The following PITPNB variants were observed in gnomAD, a reference collection of about 807,000 sequenced individuals.
PITPNB encodes phosphatidylinositol transfer protein beta isoform.
In PITPNB, 16 loss-of-function variants were observed where a neutral mutation model predicts 45.9. The observed-to-expected ratio is 0.35, with a 90% CI of 0.24 to 0.53. The LOEUF is 0.53. Among genes scored for constraint, PITPNB ranks in the 20% least tolerant of loss-of-function variants. The pLI, the probability that PITPNB is intolerant of heterozygous loss-of-function variation, is 0.93. For synonymous variants in PITPNB, 112 were observed against 108.9 expected, an observed-to-expected ratio of 1.03 and a Z score of -0.18; for missense variants, 188 against 330.5, an observed-to-expected ratio of 0.57 and a Z score of 3.34.
intron 6 of PITPNB, 94 bp downstream of exon 6, chr22:27,896,458 C>T: frequency 1.2e-6 from 1 of 849,732 alleles, no homozygotes; most frequent in Admixed American, 1.9e-5. Flanking sequence ...GTCAGATACA[C>T]AGGTGACATT....
chr22:27,858,234 A>G lies in PITPNB; in HGVS notation c.768+153T>C, dbSNP rs16985642. 9.0e-3 allele frequency among the ~76,000 whole-genome samples: 1,368 copies of G among 152,360 alleles called. 26 individuals carry two copies. Among genetic ancestry groups the G allele is most frequent in the African/African-American group, 0.031 (1,304 of 41,582 alleles). ...AGATCAGAATATGTGAAGGAATAGC[A>G]GTGTCTAAGAAACTCCATTTTGATG... is the stretch of plus-strand genomic sequence containing the variant. On this transcript the variant is annotated intron_variant, in intron 10 of 11. Coordinates refer to ENST00000335272, the MANE Select transcript of PITPNB (RefSeq NM_012399.5).
chr22:27,875,649 C>T (rs974043226), intron 7 of PITPNB, among the ~76,000 whole-genome samples: 39 of 152,124 alleles, frequency 2.6e-4, no homozygotes, highest in African/African-American at 8.9e-4. Context: ...CTTTTTCAAA[C>T]ATTGAAAGTA....
intron 8 of PITPNB, among the ~76,000 whole-genome samples, 165 bp downstream of exon 8, chr22:27,873,573 G>C (rs1402875485): frequency 6.6e-6 from 1 of 152,226 alleles, no homozygotes; most frequent in Non-Finnish European, 1.5e-5. Context: ...ATGCAGCACA[G>C]ATTTGCTGGC....
chr22:27,882,043 T>C (rs1934989542), intron 7 of PITPNB, among the ~76,000 whole-genome samples: 2 of 152,308 alleles, frequency 1.3e-5, no homozygotes, highest in East Asian at 3.9e-4. Context: ...GTATGTAACA[T>C]CTGGGCATTG....
At chr22:27,855,952 G>GTA (rs1372058475) in intron 10 of PITPNB, among the ~76,000 whole-genome samples, 2 of 152,176 alleles carry the variant, frequency 1.3e-5, no homozygotes, top group Non-Finnish European at 2.9e-5. Context: ...TGCTTTCTGG[G>GTA]TAGGCATTCT....
intron 1 of PITPNB, among the ~76,000 whole-genome samples, chr22:27,915,062 T>C (rs1936037764): frequency 1.3e-5 from 2 of 152,334 alleles, no homozygotes; most frequent in East Asian, 1.9e-4. Context: ...TCATGGTATA[T>C]TGTTTTATCA....
At chr22:27,907,710 G>C (rs536903160) in intron 3 of PITPNB, among the ~76,000 whole-genome samples, 1 of 152,040 alleles carries the variant, frequency 6.6e-6, no homozygotes, top group Non-Finnish European at 1.5e-5. Context: ...CTTCTCATGG[G>C]AGTGCCTTGT....
chr22:27,898,813 T>G (rs2267127), intron 3 of PITPNB, among the ~76,000 whole-genome samples: 1 of 152,100 alleles, frequency 6.6e-6, no homozygotes, highest in Non-Finnish European at 1.5e-5. Context: ...TGCAAGCATA[T>G]GATAATCAGA....
rs926466 is a variant in PITPNB at position 27,873,942 on chromosome 22, G to A, written c.457-127C>T. The A allele has an allele frequency of 4.1e-5, 26 of 630,726 alleles. 1 individual carries two copies. Among genetic ancestry groups the A allele is most frequent in the South Asian group, 1.8e-4 (10 of 54,760 alleles). 39.1% of individuals were successfully genotyped at this position (630,726 alleles called of 1,614,324 possible). On this transcript the variant is annotated intron_variant, in intron 7 of 11. Coordinates refer to ENST00000335272, the MANE Select transcript of PITPNB (RefSeq NM_012399.5). ...TCAATTAGACTCACTGTGCTTTTGC[G>A]TAAAAGTAGAAAAATGCTTCTTTAA...
chr22:27,853,496 G>A lies in PITPNB; in HGVS notation c.*206C>T. On this transcript the variant is annotated 3_prime_UTR_variant, in exon 12 of 12. Coordinates refer to ENST00000335272, the MANE Select transcript of PITPNB (RefSeq NM_012399.5). Reference sequence around the variant, plus strand: ...TACATGCGCTTTATATACAGCTACAGACATATGCACACATACATATATACA... The same window carrying A: ...TACATGCGCTTTATATACAGCTACAAACATATGCACACATACATATATACA... 1.3e-6 allele frequency: 1 copy of A among 763,720 alleles called. No homozygotes were observed. Among genetic ancestry groups the A allele is most frequent in the South Asian group, 1.5e-5 (1 of 65,656 alleles). The allele number at this position is 763,720 out of a possible 1,614,324, so 47.3% of individuals were successfully genotyped here.
At chr22:27,865,096 T>G (rs1181702599) in intron 8 of PITPNB, among the ~76,000 whole-genome samples, 2 of 152,182 alleles carry the variant, frequency 1.3e-5, no homozygotes, top group Admixed American at 1.3e-4. Flanking sequence ...CAAATAATAG[T>G]AATTAAATGA....
chr22:27,876,338 ATG>A (rs1934818598), intron 7 of PITPNB, among the ~76,000 whole-genome samples: 4 of 152,260 alleles, frequency 2.6e-5, no homozygotes, highest in Non-Finnish European at 5.9e-5. Context: ...ATACATATGT[ATG>A]TATGAAATGA....
intron 9 of PITPNB, among the ~76,000 whole-genome samples, chr22:27,859,518 G>C (rs533841313): frequency 6.6e-6 from 1 of 152,212 alleles, no homozygotes; most frequent in South Asian, 2.1e-4. Context: ...AGTAACAACC[G>C]TGTGCATTTA....
At position 27,853,147 on chromosome 22, in the gene PITPNB, TGG is replaced by T. The variant is rs1454573296; in HGVS notation, c.*553_*554del. 2 of 153,188 alleles carry T rather than the reference TGG, an allele frequency of 1.3e-5. No individual in the cohort carries two copies. The highest frequency in any genetic ancestry group is 2.9e-5 in the Non-Finnish European group (2 of 68,532). The allele number at this position is 153,188 out of a possible 1,614,324, so 9.5% of individuals were successfully genotyped here. A position where few individuals can be genotyped will look rare whatever the true frequency, so the allele number is the denominator to read the frequency against. On this transcript the variant is annotated 3_prime_UTR_variant, in exon 12 of 12. Transcript: ENST00000335272. ...CAAAAAATTTTGAAGAAATTTTCTG[TGG>T]GAGTCTACTGCTTATGGGACTAAAA... is the stretch of plus-strand genomic sequence containing the variant.
intron 1 of PITPNB, among the ~76,000 whole-genome samples, chr22:27,916,232 G>A (rs995484831): frequency 6.6e-6 from 1 of 152,198 alleles, no homozygotes; most frequent in Admixed American, 6.5e-5. Context: ...AGAACAATGA[G>A]TCAAGTAACT....
intron 1 of PITPNB, among the ~76,000 whole-genome samples, chr22:27,916,027 A>G (rs138700994): frequency 1.2e-4 from 18 of 152,318 alleles, no homozygotes; most frequent in Admixed American, 1.1e-3. Flanking sequence ...AAAGGCCTGA[A>G]CCAAGATGAT....
intron 7 of PITPNB, among the ~76,000 whole-genome samples, chr22:27,892,923 G>A (rs923302960): frequency 1.3e-5 from 2 of 152,202 alleles, no homozygotes; most frequent in Non-Finnish European, 2.9e-5. Flanking sequence ...CAACCCCAGT[G>A]ACATCTGAGA....
intron 3 of PITPNB, among the ~76,000 whole-genome samples, chr22:27,902,902 G>A (rs1206625031): frequency 1.3e-5 from 2 of 151,990 alleles, no homozygotes; most frequent in African/African-American, 4.8e-5. Flanking sequence ...AAATTTTTTT[G>A]TAAAGATGGG....
At chr22:27,909,391 T>C (rs1479311567) in intron 3 of PITPNB, among the ~76,000 whole-genome samples, 3 of 151,748 alleles carry the variant, frequency 2.0e-5, no homozygotes, top group Non-Finnish European at 2.9e-5. Context: ...AAAATATTTA[T>C]GCCAAAGATA....
Sources: allele counts gnomAD v4.1 joint callset (sites outside exome capture counted in the v4.1 genomes callset), GRCh38; gene constraint gnomAD v4.1.1; transcripts MANE v1.5; gene names NCBI Gene and HGNC (gene_info 2026-07-23, HGNC 2026-07-21).